The following MTUS2 variants were observed in gnomAD, a reference collection of about 807,000 sequenced individuals.
MTUS2 encodes the protein microtubule associated scaffold protein 2.
Under a neutral mutation model 114.1 loss-of-function variants are expected in MTUS2, and 40 were observed. That is an observed-to-expected ratio of 0.35 (90% CI 0.27 to 0.46). The LOEUF is 0.46. Ranked by LOEUF, MTUS2 falls within the 20% of genes least tolerant of loss-of-function variation. The probability of loss-of-function intolerance (pLI) is 1.00; values close to 1 mark genes in which losing one functional copy is unlikely to be tolerated. For missense variants in MTUS2, 1,679 were observed against 1,705.4 expected (o/e 0.98, Z 0.27); for synonymous variants, 688 against 672.0 (o/e 1.02, Z -0.37).
intron 8 of MTUS2, among the ~76,000 whole-genome samples, chr13:29,434,685 C>T (rs1257602730): frequency 1.3e-5 from 2 of 152,170 alleles, no homozygotes; most frequent in East Asian, 1.9e-4. Context: ...CAAGGACAGG[C>T]GTTTTCACTT....
chr13:28,928,086 A>G (rs1881420347), intron 2 of MTUS2, among the ~76,000 whole-genome samples: 1 of 152,216 alleles, frequency 6.6e-6, no homozygotes, highest in Non-Finnish European at 1.5e-5. Flanking sequence ...TTCTCACCAT[A>G]TGCAAAAATC....
intron 2 of MTUS2, among the ~76,000 whole-genome samples, chr13:28,934,838 T>C (rs1316995107): frequency 6.6e-6 from 1 of 152,162 alleles, no homozygotes; most frequent in African/African-American, 2.4e-5. Context: ...TTATATACAC[T>C]AAGCATACAT....
chr13:28,960,416 A>C (rs530997256), intron 2 of MTUS2, among the ~76,000 whole-genome samples: 78 of 152,346 alleles, frequency 5.1e-4, no homozygotes, highest in African/African-American at 1.8e-3. Flanking sequence ...CATGCACACA[A>C]AAATTTGTAC....
intron 9 of MTUS2, among the ~76,000 whole-genome samples, chr13:29,442,242 T>G (rs1308838458): frequency 1.3e-5 from 2 of 152,142 alleles, no homozygotes; most frequent in Non-Finnish European, 2.9e-5. Context: ...AGTGTCTCAG[T>G]AATTTTTTTT....
At chr13:29,040,395 T>G (rs149237102) in intron 4 of MTUS2, among the ~76,000 whole-genome samples, 1,529 of 152,352 alleles carry the variant, frequency 0.01, 25 homozygotes, top group African/African-American at 0.035. Flanking sequence ...TGATTCCATA[T>G]TTTTGCAATT....
At chr13:29,400,523 T>C (rs1874248376) in intron 8 of MTUS2, among the ~76,000 whole-genome samples, 1 of 152,182 alleles carries the variant, frequency 6.6e-6, no homozygotes. Flanking sequence ...GCTCAACAAA[T>C]TGAAAACACC....
intron 9 of MTUS2, among the ~76,000 whole-genome samples, chr13:29,474,810 T>C (rs561454671): frequency 3.3e-5 from 5 of 152,330 alleles, no homozygotes; most frequent in African/African-American, 1.2e-4. Flanking sequence ...GAAATTATTG[T>C]ATTAAAAGAT....
At position 29,389,582 on chromosome 13, in the gene MTUS2, TAC is replaced by T. The variant is rs1395284230; in HGVS notation, c.3117+30110_3117+30111del. Among the ~76,000 whole-genome samples the T allele has an allele frequency of 1.1e-4, 12 of 110,186 alleles. 1 individual carries two copies. Among genetic ancestry groups the T allele is most frequent in the South Asian group, 2.9e-4 (1 of 3,446 alleles). The allele number at this position is 110,186 out of a possible 152,430, so 72.3% of individuals were successfully genotyped here. A position where few individuals can be genotyped will look rare whatever the true frequency, so the allele number is the denominator to read the frequency against. On this transcript the variant is annotated intron_variant, in intron 8 of 15. Coordinates refer to ENST00000612955, the MANE Select transcript of MTUS2 (RefSeq NM_001033602.4). ...GTGTATATGTGTACATATGTGTGTA[TAC>T]GTATACATATGTGTGTATACGTATA... is the stretch of plus-strand genomic sequence containing the variant.
chr13:29,404,308 C>T (rs188532075), intron 8 of MTUS2, among the ~76,000 whole-genome samples: 344 of 151,568 alleles, frequency 2.3e-3, no homozygotes, highest in African/African-American at 5.7e-3. Flanking sequence ...TCTGTGATTG[C>T]GCCACCGCAC....
chr13:29,219,423 CAAT>C (rs1895816852), intron 5 of MTUS2, among the ~76,000 whole-genome samples: 1 of 151,568 alleles, frequency 6.6e-6, no homozygotes, highest in Non-Finnish European at 1.5e-5. Context: ...AATAATGCCG[CAAT>C]AAACATACGT....
chr13:29,086,210 A>G (rs1015344448), intron 4 of MTUS2, among the ~76,000 whole-genome samples: 2 of 152,220 alleles, frequency 1.3e-5, no homozygotes, highest in East Asian at 1.9e-4. Flanking sequence ...ATTTGCTAAC[A>G]TTTTCTCCCA....
intron 5 of MTUS2, among the ~76,000 whole-genome samples, chr13:29,158,108 C>T (rs1337187133): frequency 6.6e-6 from 1 of 152,144 alleles, no homozygotes; most frequent in Non-Finnish European, 1.5e-5. Context: ...CACACAGGCA[C>T]AGTCAAAGCT....
Position 29,243,775 on chromosome 13 carries a change from C to T in MTUS2, c.2645-37929C>T, listed in dbSNP as rs183367101. ...CTGGAGAAAGCAGTTGGGGGGATGC[C>T]GTTGAAGAACAGAAACTCATTCAGC... On this transcript the variant is annotated intron_variant, in intron 5 of 15. Coordinates refer to ENST00000612955, the MANE Select transcript of MTUS2 (RefSeq NM_001033602.4). Among the ~76,000 whole-genome samples, 49 of 152,226 alleles carry T rather than the reference C, an allele frequency of 3.2e-4. No homozygotes were observed. In the South Asian group the frequency reaches 7.7e-3, roughly 24 times the overall value.
At chr13:29,310,098 T>TC (rs1490557144) in intron 6 of MTUS2, among the ~76,000 whole-genome samples, 2 of 152,188 alleles carry the variant, frequency 1.3e-5, no homozygotes, top group African/African-American at 4.8e-5. Context: ...CTGGTAACCT[T>TC]CATTCTGTTC....
At chr13:29,241,534 G>A (rs1000522276) in intron 5 of MTUS2, among the ~76,000 whole-genome samples, 12 of 152,004 alleles carry the variant, frequency 7.9e-5, no homozygotes, top group Admixed American at 6.6e-4. Context: ...CAGAGCGGCC[G>A]CCCTCCCCCA....
intron 2 of MTUS2, among the ~76,000 whole-genome samples, chr13:28,892,190 A>G (rs931791489): frequency 3.9e-5 from 6 of 152,236 alleles, no homozygotes; most frequent in African/African-American, 1.2e-4. Flanking sequence ...GTATTTATAT[A>G]CCCTGTGTTA....
At chr13:29,307,365 G>C in intron 6 of MTUS2, 1 of 776,078 alleles carries the variant, frequency 1.3e-6, no homozygotes, top group Non-Finnish European at 2.3e-6. Context: ...GGAGACTGTG[G>C]TGTGATAGCC....
At chr13:29,423,838 A>C (rs985030930) in intron 8 of MTUS2, among the ~76,000 whole-genome samples, 1 of 152,014 alleles carries the variant, frequency 6.6e-6, no homozygotes, top group African/African-American at 2.4e-5. Flanking sequence ...TGGATAGCAC[A>C]GTAGGGTGAC....
chr13:29,437,014 A>T (rs2138667841), intron 8 of MTUS2, among the ~76,000 whole-genome samples: 1 of 152,230 alleles, frequency 6.6e-6, no homozygotes. Context: ...TGTCCCTCTC[A>T]TAGGGCCTTC....
Sources: gnomAD v4.1 joint callset for allele counts (sites outside exome capture counted in the v4.1 genomes callset) on GRCh38, gnomAD v4.1.1 for gene constraint, MANE v1.5 for transcripts, NCBI Gene and HGNC (gene_info 2026-07-23, HGNC 2026-07-21) for gene names.